The following HELZ variants were observed in gnomAD, a reference collection of about 807,000 sequenced individuals.
HELZ encodes the protein helicase with zinc finger, also known as ATP-dependent RNA helicase with zinc finger domain.
A neutral mutation model predicts 218.2 loss-of-function variants in HELZ; 23 were observed. That is an observed-to-expected ratio of 0.11 (90% CI 0.08 to 0.15). The LOEUF (loss-of-function observed/expected upper bound fraction) is 0.15, where lower values mean the gene tolerates loss of function less well. Ranked by LOEUF, HELZ falls within the 10% of genes least tolerant of loss-of-function variation. The pLI is 1.00. For missense variants in HELZ, 1,813 were observed against 2,353.7 expected (o/e 0.77, Z 4.75); for synonymous variants, 814 against 829.4 (o/e 0.98, Z 0.32).
intron 6 of HELZ, 110 bp from the exon 7 acceptor site, chr17:67,201,295 T>C: frequency 1.4e-6 from 1 of 698,736 alleles, no homozygotes; most frequent in Non-Finnish European, 2.5e-6. Context: ...AAAAACAATG[T>C]TATCCTCATC....
At chr17:67,177,619 T>C (rs552822645) in intron 13 of HELZ, among the ~76,000 whole-genome samples, 5 of 151,306 alleles carry the variant, frequency 3.3e-5, no homozygotes, top group Non-Finnish European at 7.4e-5. Flanking sequence ...CTGTCCTTCT[T>C]ATTTAACAGC....
At position 67,086,934 on chromosome 17, in the gene HELZ, T is replaced by A; in HGVS notation, c.5389A>T (p.Asn1797Tyr). ...LQDHSNQSSF[N>Y]FSSPESWVNT... ...ACCCAGGACTCCGGGGATGAAAAGTTGAAAGAAGATTGGTTACTGTGGTCC... is the reference window on the plus strand; with the variant it reads ...ACCCAGGACTCCGGGGATGAAAAGTAGAAAGAAGATTGGTTACTGTGGTCC... The change falls in exon 32 of 33, where the codon AAC becomes TAC. Residue 1797 changes from asparagine (N) to tyrosine (Y), a missense_variant. Asn to Tyr is a moderately radical substitution (Grantham distance 143). Transcript: ENST00000358691. 1.2e-6 allele frequency: 2 copies of A among 1,613,834 alleles called. No individual in the cohort carries two copies. Among genetic ancestry groups the A allele is most frequent in the Non-Finnish European group, 1.7e-6 (2 of 1,179,986 alleles).
intron 5 of HELZ, among the ~76,000 whole-genome samples, chr17:67,208,957 AAAAAG>A (rs1300123497): frequency 6.6e-6 from 1 of 150,526 alleles, no homozygotes; most frequent in Non-Finnish European, 1.5e-5. Flanking sequence ...AAAGAAAAGA[AAAAAG>A]AAAAGAGAAG....
chr17:67,167,383 A>G, intron 14 of HELZ, 80 bp downstream of exon 14: 1 of 1,124,978 alleles, frequency 8.9e-7, no homozygotes. Flanking sequence ...ACGGCAGAAG[A>G]AAAACTAAAC....
At chr17:67,131,035 G>A (rs1353185777) in intron 23 of HELZ, among the ~76,000 whole-genome samples, 1 of 152,078 alleles carries the variant, frequency 6.6e-6, no homozygotes, top group Non-Finnish European at 1.5e-5. Context: ...GTAGTTGTGT[G>A]CCACCACACC....
chr17:67,240,405 T>TA (rs1327119172), intron 2 of HELZ, among the ~76,000 whole-genome samples: 1 of 152,192 alleles, frequency 6.6e-6, no homozygotes, highest in African/African-American at 2.4e-5. Flanking sequence ...TTCTTTTTTT[T>TA]AACCTTTTTT....
chr17:67,191,747 C>T (rs1217098360), intron 9 of HELZ, among the ~76,000 whole-genome samples: 1 of 149,518 alleles, frequency 6.7e-6, no homozygotes, highest in African/African-American at 2.4e-5. Context: ...TCACCATGCC[C>T]GGCCCTGATC....
At position 67,195,455 on chromosome 17, in the gene HELZ, C is replaced by T. The variant is rs1452667914; in HGVS notation, c.445G>A (p.Ala149Thr). 1.0e-5 allele frequency: 16 copies of T among 1,603,004 alleles called. No individual in the cohort carries two copies. Among genetic ancestry groups the T allele is most frequent in the African/African-American group, 2.7e-5 (2 of 74,694 alleles). The change falls in exon 8 of 33, where the codon GCC becomes ACC. Residue 149 changes from alanine to threonine, a missense_variant. Physicochemically the swap from Ala to Thr is moderately conservative, Grantham distance 58. Transcript: ENST00000358691. ...LSETETATSNALSGYHVEDLD... is the reference protein window; with the variant it reads ...LSETETATSNTLSGYHVEDLD... ...TCTTCCACGTGATATCCAGAGAGGGCGTTACTAGTTGCTGTCTGCAATTTT... is the reference window on the plus strand; with the variant it reads ...TCTTCCACGTGATATCCAGAGAGGGTGTTACTAGTTGCTGTCTGCAATTTT...
At chr17:67,100,573 T>G (rs910209043) in intron 31 of HELZ, among the ~76,000 whole-genome samples, 1 of 152,160 alleles carries the variant, frequency 6.6e-6, no homozygotes, top group African/African-American at 2.4e-5. Flanking sequence ...AAGCACATCT[T>G]AAATGGCAAA....
At chr17:67,094,430 T>C (rs144465814) in intron 31 of HELZ, among the ~76,000 whole-genome samples, 4 of 150,974 alleles carry the variant, frequency 2.6e-5, no homozygotes, top group African/African-American at 4.9e-5. Context: ...CTTGGAGATA[T>C]TGCAGGTTTG....
chr17:67,086,591 T>C (rs2036380009), intron 32 of HELZ, among the ~76,000 whole-genome samples: 1 of 135,020 alleles, frequency 7.4e-6, no homozygotes, highest in South Asian at 2.2e-4. Context: ...CAAATATATA[T>C]ACATATATTA....
chr17:67,208,982 A>G (rs915344321), intron 5 of HELZ, among the ~76,000 whole-genome samples: 1 of 144,482 alleles, frequency 6.9e-6, no homozygotes, highest in Non-Finnish European at 1.5e-5. Flanking sequence ...GAGAAGAGAA[A>G]AGAAGAGAGG....
At chr17:67,231,902 ACTT>A (rs1205768079) in intron 3 of HELZ, among the ~76,000 whole-genome samples, 1 of 150,334 alleles carries the variant, frequency 6.7e-6, no homozygotes. Flanking sequence ...AAAATACAAA[ACTT>A]AACCAGGCGT....
chr17:67,127,576 G>A lies in HELZ; in HGVS notation c.3387+1075C>T, dbSNP rs539411248. On this transcript the variant is annotated intron_variant, in intron 24 of 32. Coordinates refer to ENST00000358691, the MANE Select transcript of HELZ (RefSeq NM_014877.4). ...AGATTTACATTTTTTGGCCTGGTGC[G>A]GTGGCTCATGCCTTTAATCCCAGCA... is the stretch of plus-strand genomic sequence containing the variant. 7.9e-5 allele frequency among the ~76,000 whole-genome samples: 12 copies of A among 152,142 alleles called. No homozygotes were observed. The East Asian group carries it at 9.7e-4, about 12-fold the overall frequency.
At chr17:67,190,740 T>G (rs1487477026) in intron 9 of HELZ, among the ~76,000 whole-genome samples, 1 of 152,232 alleles carries the variant, frequency 6.6e-6, no homozygotes, top group Non-Finnish European at 1.5e-5. Flanking sequence ...AGACGGAGTC[T>G]CACTCCGTTG....
At position 67,225,786 on chromosome 17, in the gene HELZ, C is replaced by A. The variant is rs141349673; in HGVS notation, c.-18-6964G>T. ...TTTTGCCACTTTTATAAAACAGAAA[C>A]TTGTTCTAAAATTGATTCATCTTAG... On this transcript the variant is annotated intron_variant, in intron 3 of 32. Transcript: ENST00000358691. 7.5e-4 allele frequency among the ~76,000 whole-genome samples: 114 copies of A among 152,246 alleles called. 1 individual carries two copies. The highest frequency in any genetic ancestry group is 2.7e-3 in the African/African-American group (112 of 41,548).
At chr17:67,222,196 G>C (rs1331789196) in intron 3 of HELZ, among the ~76,000 whole-genome samples, 1 of 152,102 alleles carries the variant, frequency 6.6e-6, no homozygotes, top group Non-Finnish European at 1.5e-5. Context: ...TATAGACAAT[G>C]AAGTATTATT....
chr17:67,086,353 G>A (rs981710079), intron 32 of HELZ, among the ~76,000 whole-genome samples: 1 of 151,802 alleles, frequency 6.6e-6, no homozygotes, highest in Non-Finnish European at 1.5e-5. Context: ...GGGAGGTCGA[G>A]GCGGGTCGAT....
intron 4 of HELZ, 63 bp downstream of exon 4, chr17:67,218,531 AC>A: frequency 8.4e-7 from 1 of 1,195,022 alleles, no homozygotes; most frequent in Non-Finnish European, 1.3e-6. Context: ...TTGTATCGTC[AC>A]CCCTCAATGA....
Sources: allele counts gnomAD v4.1 joint callset (sites outside exome capture counted in the v4.1 genomes callset), GRCh38; gene constraint gnomAD v4.1.1; transcripts MANE v1.5; gene names NCBI Gene and HGNC (gene_info 2026-07-23, HGNC 2026-07-21).